The following RAD51B variants were observed in gnomAD, a reference collection of about 807,000 sequenced individuals.
RAD51B encodes DNA repair protein RAD51 homolog 2.
Under a neutral mutation model 42.2 loss-of-function variants are expected in RAD51B, and 38 were observed. That is an observed-to-expected ratio of 0.90 (90% CI 0.70 to 1.18). The LOEUF (loss-of-function observed/expected upper bound fraction) is 1.18. Ranked by LOEUF, RAD51B falls within the 50% of genes most tolerant of loss-of-function variation. RAD51B has a pLI of 0.00. For missense variants in RAD51B, 373 were observed against 400.7 expected (o/e 0.93, Z 0.59); for synonymous variants, 154 against 145.2 (o/e 1.06, Z -0.43).
chr14:67,971,132 AGTAG>A (rs1249139451), intron 7 of RAD51B, among the ~76,000 whole-genome samples: 1 of 152,164 alleles, frequency 6.6e-6, no homozygotes, highest in Non-Finnish European at 1.5e-5. Flanking sequence ...TTTATGACTC[AGTAG>A]GTAAATTGCT....
At chr14:68,562,236 C>A (rs1050297179) in intron 10 of RAD51B, 46 of 985,292 alleles carry the variant, frequency 4.7e-5, no homozygotes, top group Non-Finnish European at 4.6e-5. Flanking sequence ...TCCAGTGATA[C>A]TGAAAGAACC....
chr14:68,121,278 A>G (rs1215868478), intron 7 of RAD51B, among the ~76,000 whole-genome samples: 1 of 152,214 alleles, frequency 6.6e-6, no homozygotes, highest in Non-Finnish European at 1.5e-5. Context: ...CTTTATTGCA[A>G]AAGTGAAGAA....
Position 67,865,088 on chromosome 14 carries a change from T to TAGAAGGA in RAD51B, c.402_408dup (p.Ala137ArgfsTer8). 1 of 1,604,336 alleles carries TAGAAGGA rather than the reference T, an allele frequency of 6.2e-7. No homozygotes were observed. Among genetic ancestry groups the TAGAAGGA allele is most frequent in the South Asian group, 1.1e-5 (1 of 90,472 alleles). ...ACATTACCCACCAACATGGGAGGAT[T>TAGAAGGA]AGAAGGAGCTGTGGTGTACATTGAC... On this transcript the variant is annotated frameshift_variant, in exon 5 of 11. Coordinates refer to ENST00000471583, the MANE Select transcript of RAD51B (RefSeq NM_133510.4). LOFTEE classifies it high-confidence loss of function.
chr14:67,963,133 T>C, intron 7 of RAD51B, among the ~76,000 whole-genome samples: 1 of 152,162 alleles, frequency 6.6e-6, no homozygotes, highest in East Asian at 1.9e-4. Flanking sequence ...TTGATATTTT[T>C]TATTTTTAAC....
intron 7 of RAD51B, among the ~76,000 whole-genome samples, chr14:68,195,298 C>T (rs1454044161): frequency 1.3e-5 from 2 of 152,140 alleles, no homozygotes; most frequent in African/African-American, 4.8e-5. Flanking sequence ...TTCATTTGCC[C>T]TCCAAATGCA....
At chr14:68,604,289 C>T (rs918825943) in intron 10 of RAD51B, among the ~76,000 whole-genome samples, 10 of 90,400 alleles carry the variant, frequency 1.1e-4, no homozygotes, top group African/African-American at 4.6e-4. Context: ...CCAATGAAGT[C>T]CCCTTCCTTC....
At chr14:68,319,359 T>G (rs1221641471) in intron 8 of RAD51B, among the ~76,000 whole-genome samples, 1 of 152,266 alleles carries the variant, frequency 6.6e-6, no homozygotes, top group East Asian at 1.9e-4. Flanking sequence ...AAATTTAAAT[T>G]TAACTGAGCC....
At chr14:67,977,394 G>C (rs1423279954) in intron 7 of RAD51B, among the ~76,000 whole-genome samples, 3 of 152,218 alleles carry the variant, frequency 2.0e-5, no homozygotes, top group Non-Finnish European at 2.9e-5. Context: ...AAGAAACATT[G>C]CTGTATGAAG....
At chr14:68,402,756 G>A (rs541445159) in intron 8 of RAD51B, among the ~76,000 whole-genome samples, 2 of 152,196 alleles carry the variant, frequency 1.3e-5, no homozygotes, top group South Asian at 4.1e-4. Flanking sequence ...TGAGGTTCTC[G>A]ATGAGGAACT....
intron 7 of RAD51B, among the ~76,000 whole-genome samples, chr14:68,101,004 G>A (rs543200713): frequency 5.3e-5 from 8 of 152,302 alleles, no homozygotes; most frequent in African/African-American, 1.9e-4. Context: ...TGGCAGAAGG[G>A]GAAGCAAATA....
At chr14:68,026,507 T>C (rs2075959009) in intron 7 of RAD51B, among the ~76,000 whole-genome samples, 1 of 152,166 alleles carries the variant, frequency 6.6e-6, no homozygotes, top group Admixed American at 6.5e-5. Context: ...AAGAAGAACT[T>C]GTTTTATGAA....
At chr14:68,586,895 C>T (rs553940982) in intron 10 of RAD51B, among the ~76,000 whole-genome samples, 2 of 152,188 alleles carry the variant, frequency 1.3e-5, no homozygotes, top group Admixed American at 1.3e-4. Flanking sequence ...ATCCCAGCTA[C>T]TTGGGAGGCT....
intron 7 of RAD51B, chr14:67,908,934 A>G (rs1292188917): frequency 6.6e-6 from 1 of 152,186 alleles, no homozygotes; most frequent in Non-Finnish European, 1.5e-5. Context: ...AATAATTCTA[A>G]GAATTCTGAG....
intron 4 of RAD51B, among the ~76,000 whole-genome samples, chr14:67,836,154 C>G (rs940346788): frequency 6.6e-6 from 1 of 152,116 alleles, no homozygotes; most frequent in African/African-American, 2.4e-5. Flanking sequence ...TGGCTTAGCT[C>G]AGCATTGTTG....
At chr14:68,544,426 G>A (rs1888119901) in intron 10 of RAD51B, among the ~76,000 whole-genome samples, 2 of 152,226 alleles carry the variant, frequency 1.3e-5, no homozygotes, top group African/African-American at 4.8e-5. Context: ...CAATTTTACA[G>A]CCCCGCATGG....
chr14:67,985,495 G>GT (rs2075168652), intron 7 of RAD51B, among the ~76,000 whole-genome samples: 1 of 152,120 alleles, frequency 6.6e-6, no homozygotes, highest in African/African-American at 2.4e-5. Flanking sequence ...CTTTATAGCA[G>GT]TTTTTTCACT....
At chr14:68,149,739 C>T (rs895286649) in intron 7 of RAD51B, 1 of 152,170 alleles carries the variant, frequency 6.6e-6, no homozygotes, top group Admixed American at 6.6e-5. Context: ...CCAGTTTATT[C>T]CTCTTTAGGC....
intron 7 of RAD51B, among the ~76,000 whole-genome samples, chr14:67,904,118 G>C (rs1482602682): frequency 1.3e-5 from 2 of 152,072 alleles, no homozygotes. Context: ...GTATTTCATG[G>C]TATATATGTA....
intron 7 of RAD51B, among the ~76,000 whole-genome samples, chr14:68,139,529 T>C (rs1177358218): frequency 1.3e-5 from 2 of 152,244 alleles, no homozygotes; most frequent in South Asian, 2.1e-4. Context: ...TCATCTAGCC[T>C]AGGCAGAACT....
Sources: gnomAD v4.1 joint callset for allele counts (sites outside exome capture counted in the v4.1 genomes callset) on GRCh38, gnomAD v4.1.1 for gene constraint, MANE v1.5 for transcripts, NCBI Gene and HGNC (gene_info 2026-07-23, HGNC 2026-07-21) for gene names.